The following HERC1 variants were observed in gnomAD, a reference collection of about 807,000 sequenced individuals.
HERC1 encodes HECT and RLD domain containing E3 ubiquitin protein ligase family member 1, also known as probable E3 ubiquitin-protein ligase HERC1.
A neutral mutation model predicts 554.3 loss-of-function variants in HERC1; 160 were observed. The observed-to-expected ratio is 0.29, with a 90% confidence interval of 0.25 to 0.33. The LOEUF is 0.33. Among genes scored for constraint, HERC1 ranks in the 10% least tolerant of loss-of-function variants. The pLI is 1.00. For missense variants in HERC1, 4,919 were observed against 5,918.5 expected (o/e 0.83, Z 5.54); for synonymous variants, 2,175 against 2,131.7 (o/e 1.02, Z -0.56).
chr15:63,775,628 A>C lies in HERC1; in HGVS notation c.-5T>G. Reference sequence around the variant, plus strand: ...TGGTGGAATCATAGTTGCCATGTTGATTTATCCTTCAGCCATTAGTCCTGC... The same window carrying C: ...TGGTGGAATCATAGTTGCCATGTTGCTTTATCCTTCAGCCATTAGTCCTGC... On this transcript the variant is annotated 5_prime_UTR_variant, in exon 2 of 78. Coordinates refer to ENST00000443617, the MANE Select transcript of HERC1 (RefSeq NM_003922.4). The surrounding 1 kb of genome is among the most constrained non-coding windows in gnomAD (Gnocchi z 4.0). 1.3e-6 allele frequency: 2 copies of C among 1,584,652 alleles called. No individual in the cohort carries two copies. The highest frequency in any genetic ancestry group is 2.4e-5 in the South Asian group (2 of 84,762).
intron 39 of HERC1, 118 bp downstream of exon 39, chr15:63,672,378 G>T: frequency 2.9e-6 from 2 of 684,954 alleles, no homozygotes; most frequent in Non-Finnish European, 4.7e-6. Flanking sequence ...TAATCTCTTA[G>T]TTTCTTTCTA....
chr15:63,630,738 A>T, intron 68 of HERC1, 103 bp from the exon 69 acceptor site: 1 of 1,131,006 alleles, frequency 8.8e-7, no homozygotes, highest in Non-Finnish European at 1.2e-6. Flanking sequence ...GTGGAATGGC[A>T]ATGACACATA....
At chr15:63,740,183 T>A (rs1039566109) in intron 12 of HERC1, among the ~76,000 whole-genome samples, 6 of 152,198 alleles carry the variant, frequency 3.9e-5, no homozygotes, top group Admixed American at 3.9e-4. Flanking sequence ...GTGTGCAGAT[T>A]ACAGGTGTGG....
Position 63,712,887 on chromosome 15 carries a change from C to T in HERC1, c.4472G>A (p.Ser1491Asn). 1 of 1,612,632 alleles carries T rather than the reference C, an allele frequency of 6.2e-7. No individual in the cohort carries two copies. The highest frequency in any genetic ancestry group is 8.5e-7 in the Non-Finnish European group (1 of 1,179,432). ...GACTAGCCGGCTCTCTGCAGTAAGA[C>T]TTTCACTCCTGTCTCACATGTACAA... ...EGGGLMTRSESLTAESRLVHT... is the reference protein window; with the variant it reads ...EGGGLMTRSENLTAESRLVHT... The change falls in exon 24 of 78, where the codon AGT becomes AAT. Residue 1491 changes from serine (S) to asparagine (N), a missense_variant. Physicochemically the swap from Ser to Asn is conservative, Grantham distance 46. Around this residue, in one of 11 missense-constraint regions of HERC1, gnomAD observed 1,121 missense variants for 1,244.0 expected, o/e 0.90. Transcript: ENST00000443617.
At chr15:63,790,848 A>G (rs2076628752) in intron 1 of HERC1, among the ~76,000 whole-genome samples, 1 of 151,918 alleles carries the variant, frequency 6.6e-6, no homozygotes, top group South Asian at 2.1e-4. Context: ...GAAAAACAAA[A>G]AAAGTTTGTA....
At chr15:63,662,141 C>A (rs1039314364) in intron 44 of HERC1, 120 bp from the exon 45 acceptor site, 11 of 1,067,112 alleles carry the variant, frequency 1.0e-5, no homozygotes, top group Non-Finnish European at 1.3e-5. Flanking sequence ...CCAACATGTT[C>A]ATTAATGCTA....
intron 46 of HERC1, among the ~76,000 whole-genome samples, chr15:63,660,465 CT>C (rs1409655702): frequency 6.6e-6 from 1 of 152,166 alleles, no homozygotes; most frequent in Non-Finnish European, 1.5e-5. Context: ...AAGTGAGACT[CT>C]CAGGGAAAGG....
intron 1 of HERC1, among the ~76,000 whole-genome samples, chr15:63,832,070 TG>T (rs1330842934): frequency 6.6e-6 from 1 of 152,240 alleles, no homozygotes; most frequent in African/African-American, 2.4e-5. Context: ...CAACCCCAGA[TG>T]ACAATCTATC....
intron 1 of HERC1, among the ~76,000 whole-genome samples, chr15:63,804,262 C>T (rs1317926894): frequency 6.6e-6 from 1 of 152,268 alleles, no homozygotes; most frequent in East Asian, 1.9e-4. Context: ...TAAGCTAGAC[C>T]TGATCTAAAT....
chr15:63,766,654 T>C (rs1272810490), intron 2 of HERC1, among the ~76,000 whole-genome samples: 2 of 152,258 alleles, frequency 1.3e-5, no homozygotes, highest in African/African-American at 2.4e-5. Context: ...AGTTTCGTAA[T>C]ACATTAAAGG....
At chr15:63,671,162 C>T (rs1413101095) in intron 39 of HERC1, among the ~76,000 whole-genome samples, 4 of 147,302 alleles carry the variant, frequency 2.7e-5, no homozygotes, top group South Asian at 2.1e-4. Context: ...CAGATCGCAC[C>T]ACTGCACTCC....
At position 63,680,164 on chromosome 15, in the gene HERC1, C is replaced by T; in HGVS notation, c.6466-4G>A. 1.2e-6 allele frequency: 2 copies of T among 1,610,000 alleles called. No individual in the cohort carries two copies. The highest frequency in any genetic ancestry group is 1.1e-5 in the South Asian group (1 of 90,828). ...CTTCAAAAGCTAATTTGGGTTCCTA[C>T]AGTGTGGCAGCAGTGAGGAAAAGAA... On this transcript the variant is annotated splice_polypyrimidine_tract_variant and splice_region_variant and intron_variant, in intron 35 of 77. Coordinates refer to ENST00000443617, the MANE Select transcript of HERC1 (RefSeq NM_003922.4). This position sits in a 1 kb window ranked among gnomAD's most constrained non-coding sequence, Gnocchi z 5.8.
In HERC1 at chr15:63,749,978, T is replaced by C. The variant is rs1318055066; in HGVS notation, c.1903-187A>G. Among the ~76,000 whole-genome samples the C allele has an allele frequency of 2.0e-5, 3 of 152,250 alleles. No homozygotes were observed. The highest frequency in any genetic ancestry group is 4.4e-5 in the Non-Finnish European group (3 of 68,046). On this transcript the variant is annotated intron_variant, in intron 8 of 77. Coordinates refer to ENST00000443617, the MANE Select transcript of HERC1 (RefSeq NM_003922.4). This position sits in a 1 kb window ranked among gnomAD's most constrained non-coding sequence, Gnocchi z 4.1. The stretch of plus-strand genomic sequence containing the variant: ...TCATGCTGCCTTTAGGCATTCACTG[T>C]ATAGGCAGAAAAACAGCTGATCTGA...
At chr15:63,663,417 T>C (rs548678538) in intron 43 of HERC1, among the ~76,000 whole-genome samples, 2 of 152,290 alleles carry the variant, frequency 1.3e-5, no homozygotes, top group African/African-American at 4.8e-5. Flanking sequence ...GGGTTATTGA[T>C]AGGTTTAAGT....
rs771737131 is a variant in HERC1, at chr15:63,656,229, A to T, written c.9729T>A (p.Ala3243=). 52 of 1,613,590 alleles carry T rather than the reference A, an allele frequency of 3.2e-5. No homozygotes were observed. The Admixed American group carries it at 5.0e-4, about 16-fold the overall frequency. The change falls in exon 49 of 78, where the codon GCT becomes GCA. Residue 3243 remains alanine (A), a synonymous_variant. Coordinates refer to ENST00000443617, the MANE Select transcript of HERC1 (RefSeq NM_003922.4). ...AGLSTSPSAM[A]STSERSRGGH... ...CACCTCGTGATCGTTCTGAGGTGCTAGCCATGGCAGAAGGGCTGGTGGAGA... is the reference window on the plus strand; with the variant it reads ...CACCTCGTGATCGTTCTGAGGTGCTTGCCATGGCAGAAGGGCTGGTGGAGA...
rs1477933940 is a variant in HERC1 at position 63,718,617 on chromosome 15, T to C, written c.3935A>G (p.Asn1312Ser). The change falls in exon 21 of 78, where the codon AAC becomes AGC. Residue 1312 changes from asparagine to serine, a missense_variant. This residue lies in a region of HERC1 where 1,121 missense variants were observed against 1,244.0 expected (regional missense o/e 0.90). Coordinates refer to ENST00000443617, the MANE Select transcript of HERC1 (RefSeq NM_003922.4). The surrounding 1 kb of genome is among the most constrained non-coding windows in gnomAD (Gnocchi z 4.2). ...KVRSRLLACKNLELIQTRSSS... is the reference protein window; with the variant it reads ...KVRSRLLACKSLELIQTRSSS... ...TGACCTTGTTTGAATAAGTTCAAGG[T>C]TCTTGCAAGCAAGTAAACGACTTCG... The C allele has an allele frequency of 1.3e-6, 2 of 1,588,878 alleles. No homozygotes were observed. Among genetic ancestry groups the C allele is most frequent in the African/African-American group, 2.7e-5 (2 of 74,700 alleles).
rs2068974167 is a variant in HERC1, at chr15:63,640,181, C to T, written c.11872G>A (p.Val3958Ile). 6.2e-7 allele frequency: 1 copy of T among 1,613,914 alleles called. No homozygotes were observed. Among genetic ancestry groups the T allele is most frequent in the Admixed American group, 1.7e-5 (1 of 60,008 alleles). The stretch of plus-strand genomic sequence containing the variant: ...AGAAATACAAGTTCATCCTCTGGAA[C>T]AGGTTCTAGATCTGGAACGGTAAAA... The part of the protein sequence containing the change: ...ESFTVPDLEP[V>I]PEDELVFLMD... The change falls in exon 61 of 78, where the codon GTT becomes ATT. Residue 3958 changes from valine (V) to isoleucine (I), a missense_variant. Coordinates refer to ENST00000443617, the MANE Select transcript of HERC1 (RefSeq NM_003922.4).
rs750765161 is a variant in HERC1 at position 63,677,788 on chromosome 15, T to C, written c.7070+57A>G. ...ATAATTACTCACTGTCGACAGGCAATGGCCTATTTCACCATTAAATATTTG... is the reference window on the plus strand; with the variant it reads ...ATAATTACTCACTGTCGACAGGCAACGGCCTATTTCACCATTAAATATTTG... On this transcript the variant is annotated intron_variant, in intron 37 of 77. Coordinates refer to ENST00000443617, the MANE Select transcript of HERC1 (RefSeq NM_003922.4). The surrounding 1 kb of genome is among the most constrained non-coding windows in gnomAD (Gnocchi z 4.4). 2.4e-4 allele frequency: 380 copies of C among 1,554,768 alleles called. 1 individual carries two copies. Among genetic ancestry groups the C allele is most frequent in the Non-Finnish European group, 3.2e-4 (364 of 1,149,280 alleles).
chr15:63,745,311 G>A (rs1413797422), intron 12 of HERC1, among the ~76,000 whole-genome samples: 2 of 152,206 alleles, frequency 1.3e-5, no homozygotes, highest in Non-Finnish European at 2.9e-5. Context: ...TCTGGGACCA[G>A]TTCAGCACTA....
Sources: gnomAD v4.1 joint callset for allele counts (sites outside exome capture counted in the v4.1 genomes callset) on GRCh38, gnomAD v4.1.1 for gene constraint, gnomAD v4.1.1 regional missense constraint, Gnocchi (gnomAD v3.1) non-coding constraint, MANE v1.5 for transcripts, NCBI Gene and HGNC (gene_info 2026-07-23, HGNC 2026-07-21) for gene names.